Variants in HCN1 observed in about 807,000 individuals in gnomAD.
HCN1 encodes the protein potassium/sodium hyperpolarization-activated cyclic nucleotide-gated channel 1.
Under a neutral mutation model 78.9 loss-of-function variants are expected in HCN1, and 13 were observed. That is an observed-to-expected ratio of 0.16 (90% confidence interval 0.11 to 0.26). The LOEUF (loss-of-function observed/expected upper bound fraction) is 0.26, where lower values mean the gene tolerates loss of function less well. Ranked by LOEUF, HCN1 falls within the 10% of genes least tolerant of loss-of-function variation. The pLI, the probability that HCN1 is intolerant of heterozygous loss-of-function variation, is 1.00. For synonymous variants in HCN1, 552 were observed against 455.5 expected (o/e 1.21, Z -2.70); for missense variants, 810 against 1,154.3 (o/e 0.70, Z 4.32).
In HCN1 at chr5:45,332,847, T is replaced by A. The variant is rs150712876; in HGVS notation, c.1377+20253A>T. ...ATTTTTTTTTATGGCTGAAAAGTAATTCATTTTGTATAAGTATCACATTTT... is the reference window on the plus strand; with the variant it reads ...ATTTTTTTTTATGGCTGAAAAGTAAATCATTTTGTATAAGTATCACATTTT... On this transcript the variant is annotated intron_variant, in intron 5 of 7. Transcript: ENST00000303230. Among the ~76,000 whole-genome samples, 452 of 151,804 alleles carry A rather than the reference T, an allele frequency of 3.0e-3. 2 individuals are homozygous for A. Among genetic ancestry groups the A allele is most frequent in the African/African-American group, 0.01 (428 of 41,498 alleles).
chr5:45,321,969 C>T (rs2111937253), intron 5 of HCN1, among the ~76,000 whole-genome samples: 1 of 151,958 alleles, frequency 6.6e-6, no homozygotes, highest in East Asian at 1.9e-4. Flanking sequence ...AGCATTTCCT[C>T]TGTGCCTCAC....
chr5:45,307,287 T>A (rs1228915130), intron 5 of HCN1, among the ~76,000 whole-genome samples: 1 of 152,120 alleles, frequency 6.6e-6, no homozygotes, highest in Non-Finnish European at 1.5e-5. Context: ...AAATAATTCA[T>A]ATAAGCACTC....
rs1408738276 is a variant in HCN1, at chr5:45,696,346, A to AGGCTGC, written c.-259_-254dup. On this transcript the variant is annotated 5_prime_UTR_variant, in exon 1 of 8. Transcript: ENST00000303230. The stretch of plus-strand genomic sequence containing the variant: ...TCCGGTGCGGCTGGTGCTGAAGCTG[A>AGGCTGC]GGCTGCCGGAGCTAGGCGAGGCTCA... 6.4e-6 allele frequency: 1 copy of AGGCTGC among 155,264 alleles called. No individual in the cohort carries two copies. The highest frequency in any genetic ancestry group is 2.4e-5 in the African/African-American group (1 of 41,472). The allele number at this position is 155,264 out of a possible 1,614,324, so 9.6% of individuals were successfully genotyped here.
intron 2 of HCN1, among the ~76,000 whole-genome samples, chr5:45,538,148 A>C (rs537960678): frequency 1.3e-5 from 2 of 152,164 alleles, no homozygotes; most frequent in Non-Finnish European, 2.9e-5. Context: ...GAGCTTTCAA[A>C]ATCCAAATGA....
chr5:45,689,964 G>A (rs1739875379), intron 1 of HCN1, among the ~76,000 whole-genome samples: 1 of 152,034 alleles, frequency 6.6e-6, no homozygotes, highest in Non-Finnish European at 1.5e-5. Context: ...CTGTAAACTG[G>A]AGGCAGTATT....
At chr5:45,391,150 G>T (rs1204340885) in intron 4 of HCN1, among the ~76,000 whole-genome samples, 2 of 152,132 alleles carry the variant, frequency 1.3e-5, no homozygotes, top group Non-Finnish European at 2.9e-5. Context: ...AAAGGAAAGA[G>T]GAAAGCATTT....
chr5:45,324,957 A>G (rs1009396426), intron 5 of HCN1, among the ~76,000 whole-genome samples: 1 of 151,826 alleles, frequency 6.6e-6, no homozygotes, highest in South Asian at 2.1e-4. Flanking sequence ...TTAGTGCCCA[A>G]GGAAATGACA....
chr5:45,385,618 A>AACAATATTTACAATATT (rs369721140), intron 4 of HCN1, among the ~76,000 whole-genome samples: 4,508 of 152,276 alleles, frequency 0.03, 258 homozygotes, highest in African/African-American at 0.1. Flanking sequence ...TGATACTTTA[A>AACAATATTTACAATATT]ACAATATTTA....
At position 45,414,455 on chromosome 5, in the gene HCN1, T is replaced by C. The variant is rs1740081824; in HGVS notation, c.1012-17745A>G. On this transcript the variant is annotated intron_variant, in intron 3 of 7. Transcript: ENST00000303230. ...CAGCTTTACACAAACATCCCAAATC[T>C]GTGTGTCCAAACTGAATTCATTTAA... 2.0e-5 allele frequency among the ~76,000 whole-genome samples: 3 copies of C among 152,012 alleles called. No homozygotes were observed. In the South Asian group the frequency reaches 6.2e-4, roughly 31 times the overall value.
chr5:45,309,914 T>C (rs1285510020), intron 5 of HCN1, among the ~76,000 whole-genome samples: 1 of 152,188 alleles, frequency 6.6e-6, no homozygotes, highest in East Asian at 1.9e-4. Context: ...CCTTTTCGAC[T>C]TTTTGGAAAA....
chr5:45,498,128 G>A (rs1200550056), intron 2 of HCN1, among the ~76,000 whole-genome samples: 1 of 152,186 alleles, frequency 6.6e-6, no homozygotes, highest in South Asian at 2.1e-4. Context: ...TCTGAATGTT[G>A]GCCTGCCTTG....
chr5:45,435,498 T>A (rs1264425693), intron 3 of HCN1, among the ~76,000 whole-genome samples: 1 of 152,152 alleles, frequency 6.6e-6, no homozygotes, highest in Non-Finnish European at 1.5e-5. Context: ...GAAAACTATA[T>A]CAATAAGATA....
chr5:45,598,521 A>G (rs1291779569), intron 2 of HCN1, among the ~76,000 whole-genome samples: 1 of 152,170 alleles, frequency 6.6e-6, no homozygotes, highest in Non-Finnish European at 1.5e-5. Context: ...AGACTTCATT[A>G]CTAAAACACC....
rs1426811278 is a variant in HCN1 at position 45,387,712 on chromosome 5, C to T, written c.1230+8780G>A. Among the ~76,000 whole-genome samples the T allele has an allele frequency of 5.3e-5, 8 of 152,066 alleles. No homozygotes were observed. In the East Asian group the frequency reaches 1.5e-3, roughly 29 times the overall value. Reference sequence around the variant, plus strand: ...TCTGTCATCTATCAACTTACAGCACCAGGCCATATACAGTAGTCCTCACTT... The same window carrying T: ...TCTGTCATCTATCAACTTACAGCACTAGGCCATATACAGTAGTCCTCACTT... On this transcript the variant is annotated intron_variant, in intron 4 of 7. Coordinates refer to ENST00000303230, the MANE Select transcript of HCN1 (RefSeq NM_021072.4).
intron 5 of HCN1, among the ~76,000 whole-genome samples, chr5:45,347,649 C>G (rs1447648955): frequency 2.6e-5 from 4 of 151,984 alleles, no homozygotes; most frequent in African/African-American, 4.8e-5. Context: ...ACTAGAATAA[C>G]CAATATAGAG....
intron 3 of HCN1, among the ~76,000 whole-genome samples, chr5:45,436,310 CAACT>C (rs974435073): frequency 1.3e-5 from 2 of 152,092 alleles, no homozygotes; most frequent in African/African-American, 4.8e-5. Flanking sequence ...TACCTAAACC[CAACT>C]AACTATGTGA....
At chr5:45,420,705 T>G (rs1740209277) in intron 3 of HCN1, among the ~76,000 whole-genome samples, 1 of 152,054 alleles carries the variant, frequency 6.6e-6, no homozygotes, top group Non-Finnish European at 1.5e-5. Context: ...TAATCACTGT[T>G]ATACACACAC....
At chr5:45,521,353 T>C (rs1221925518) in intron 2 of HCN1, among the ~76,000 whole-genome samples, 3 of 151,878 alleles carry the variant, frequency 2.0e-5, no homozygotes, top group African/African-American at 7.2e-5. Flanking sequence ...CTAGATAGAT[T>C]TGAACAACAG....
chr5:45,582,648 G>C (rs1744106033), intron 2 of HCN1, among the ~76,000 whole-genome samples: 1 of 152,162 alleles, frequency 6.6e-6, no homozygotes. Flanking sequence ...TATGATATTG[G>C]CTGTGGGTTT....
Sources: allele counts gnomAD v4.1 joint callset (sites outside exome capture counted in the v4.1 genomes callset), GRCh38; gene constraint gnomAD v4.1.1; transcripts MANE v1.5; gene names NCBI Gene and HGNC (gene_info 2026-07-23, HGNC 2026-07-21).